The following THADA variants were observed in gnomAD, a reference collection of about 807,000 sequenced individuals.
The protein encoded by THADA is THADA armadillo repeat containing.
A neutral mutation model predicts 219.8 loss-of-function variants in THADA; 213 were observed. The observed-to-expected ratio is 0.97, with a 90% CI of 0.87 to 1.09. The LOEUF (loss-of-function observed/expected upper bound fraction) is 1.09. Among genes scored for constraint, THADA ranks in the 50% least tolerant of loss-of-function variants. The probability of loss-of-function intolerance (pLI) is 0.00; values close to 1 mark genes in which losing one functional copy is unlikely to be tolerated. For synonymous variants in THADA, 1,018 were observed against 828.9 expected, an observed-to-expected ratio of 1.23 and a Z score of -3.92; for missense variants, 2,956 against 2,311.3, an observed-to-expected ratio of 1.28 and a Z score of -5.72.
chr2:43,593,164 T>G (rs747707145), intron 1 of THADA, among the ~76,000 whole-genome samples: 2 of 152,124 alleles, frequency 1.3e-5, no homozygotes, highest in Admixed American at 6.5e-5. Flanking sequence ...TGGAAGGACA[T>G]GTTGAATGAT....
intron 28 of THADA, among the ~76,000 whole-genome samples, chr2:43,402,545 T>C (rs561562027): frequency 1.8e-4 from 27 of 152,276 alleles, no homozygotes; most frequent in African/African-American, 6.5e-4. Flanking sequence ...ACTCTCACAA[T>C]CTGTTCTTTT....
At chr2:43,306,631 G>A (rs1478611748) in intron 31 of THADA, among the ~76,000 whole-genome samples, 3 of 152,184 alleles carry the variant, frequency 2.0e-5, no homozygotes, top group Non-Finnish European at 1.5e-5. Flanking sequence ...TGAGACTGAA[G>A]AGGTTCCTGG....
intron 20 of THADA, among the ~76,000 whole-genome samples, chr2:43,544,185 A>G (rs887408741): frequency 6.6e-6 from 1 of 152,172 alleles, no homozygotes; most frequent in African/African-American, 2.4e-5. Flanking sequence ...GTAGTTGTAG[A>G]TAAGAGTGGC....
chr2:43,302,285 A>T (rs1201046857), intron 31 of THADA, among the ~76,000 whole-genome samples: 1 of 152,004 alleles, frequency 6.6e-6, no homozygotes, highest in Non-Finnish European at 1.5e-5. Flanking sequence ...GCCCCATCGT[A>T]CTTTTCCTAA....
chr2:43,518,875 G>C (rs942103942), intron 22 of THADA, among the ~76,000 whole-genome samples: 1 of 151,902 alleles, frequency 6.6e-6, no homozygotes, highest in Non-Finnish European at 1.5e-5. Context: ...TAAAATATTG[G>C]GGGAGTCCCA....
chr2:43,595,172 G>A (rs76963422), intron 1 of THADA, among the ~76,000 whole-genome samples: 1,876 of 152,304 alleles, frequency 0.012, 29 homozygotes, highest in African/African-American at 0.041. Flanking sequence ...GGGCAGGAAG[G>A]TGGACTATCT....
At chr2:43,573,950 C>G (rs1699566034) in intron 11 of THADA, among the ~76,000 whole-genome samples, 1 of 152,122 alleles carries the variant, frequency 6.6e-6, no homozygotes, top group African/African-American at 2.4e-5. Flanking sequence ...GCCAAGTTAC[C>G]TGTCTTTAAC....
rs575946690 is a variant in THADA, at chr2:43,468,646, G to A, written c.3836+16588C>T. Among the ~76,000 whole-genome samples the A allele has an allele frequency of 5.9e-5, 9 of 152,158 alleles. No homozygotes were observed. In the South Asian group the frequency reaches 1.2e-3, roughly 21 times the overall value. ...CAGCATTTACACAGCGCTTTAGGAT[G>A]GGCAAAAAATTTAAAATACAATCCC... On this transcript the variant is annotated intron_variant, in intron 26 of 37. Coordinates refer to ENST00000405975, the MANE Select transcript of THADA (RefSeq NM_022065.5).
chr2:43,467,181 CAAAAAAAAAAAA>C (rs70963399), intron 26 of THADA, among the ~76,000 whole-genome samples: 3 of 58,390 alleles, frequency 5.1e-5, no homozygotes, highest in Non-Finnish European at 9.8e-5. Context: ...GACTCCGTCT[CAAAAAAAAAAAA>C]AAAAAAAAAA....
chr2:43,456,623 A>G (rs189881093), intron 26 of THADA, among the ~76,000 whole-genome samples: 113 of 152,124 alleles, frequency 7.4e-4, no homozygotes, highest in African/African-American at 2.7e-3. Context: ...AATGGGAATA[A>G]TAGTGCCTAC....
At chr2:43,393,630 C>A (rs563364828) in intron 29 of THADA, among the ~76,000 whole-genome samples, 12 of 151,560 alleles carry the variant, frequency 7.9e-5, no homozygotes, top group African/African-American at 2.9e-4. Context: ...ATTGCTTAAA[C>A]CCAGAAGGCA....
chr2:43,534,318 G>A (rs181736472), intron 21 of THADA, among the ~76,000 whole-genome samples: 255 of 152,072 alleles, frequency 1.7e-3, no homozygotes, highest in African/African-American at 5.9e-3. Context: ...TCATTTCTTT[G>A]TGTTAGGAAC....
At chr2:43,358,025 C>T (rs950290334) in intron 29 of THADA, among the ~76,000 whole-genome samples, 1 of 152,006 alleles carries the variant, frequency 6.6e-6, no homozygotes, top group Admixed American at 6.6e-5. Flanking sequence ...ATGTCAGAAC[C>T]AGAAAACTGA....
intron 31 of THADA, 140 bp from the exon 32 acceptor site, chr2:43,293,353 G>T: frequency 1.1e-6 from 1 of 943,900 alleles, no homozygotes; most frequent in Non-Finnish European, 1.5e-6. Context: ...TGTCATAAGT[G>T]AGTGGCCCTC....
chr2:43,431,396 G>C (rs1353679277), intron 26 of THADA, among the ~76,000 whole-genome samples: 1 of 152,036 alleles, frequency 6.6e-6, no homozygotes, highest in Non-Finnish European at 1.5e-5. Flanking sequence ...AGGAACCTCT[G>C]ATTTGATTTC....
chr2:43,346,501 T>C (rs2104544896), intron 29 of THADA, among the ~76,000 whole-genome samples: 2 of 152,250 alleles, frequency 1.3e-5, no homozygotes, highest in South Asian at 4.1e-4. Flanking sequence ...CCTAAAGTTC[T>C]GGTCCCAAAG....
chr2:43,243,873 C>T (rs1000095098), intron 36 of THADA, among the ~76,000 whole-genome samples: 2 of 152,188 alleles, frequency 1.3e-5, no homozygotes, highest in African/African-American at 4.8e-5. Context: ...GTCCAGTTCC[C>T]AAAGAATACA....
intron 36 of THADA, among the ~76,000 whole-genome samples, chr2:43,235,434 C>G (rs1315939472): frequency 6.6e-6 from 1 of 151,992 alleles, no homozygotes; most frequent in Non-Finnish European, 1.5e-5. Context: ...GCTGGGATTA[C>G]AGGCATGCGC....
At chr2:43,402,677 C>T (rs775680614) in intron 28 of THADA, among the ~76,000 whole-genome samples, 6 of 152,190 alleles carry the variant, frequency 3.9e-5, no homozygotes, top group Admixed American at 6.5e-5. Context: ...TACCAGAGAA[C>T]TGGAGAGAAA....
Sources: allele counts gnomAD v4.1 joint callset (sites outside exome capture counted in the v4.1 genomes callset), GRCh38; gene constraint gnomAD v4.1.1; transcripts MANE v1.5; gene names NCBI Gene and HGNC (gene_info 2026-07-23, HGNC 2026-07-21).